The following MORN5 variants were observed in gnomAD, a reference collection of about 807,000 sequenced individuals.
MORN5 encodes MORN repeat containing 5.
MORN5 carries 21 observed loss-of-function variants against 22.1 expected under a neutral mutation model. The ratio of observed to expected loss-of-function variants is 0.95; its 90% CI spans 0.67 to 1.37. The LOEUF (loss-of-function observed/expected upper bound fraction) is 1.37. MORN5 is among the 40% of genes most tolerant of loss of function. The pLI, the probability that MORN5 is intolerant of heterozygous loss-of-function variation, is 0.00. For missense variants in MORN5, 211 were observed against 215.1 expected (o/e 0.98, Z 0.12); for synonymous variants, 73 against 74.0 (o/e 0.99, Z 0.07).
intron 4 of MORN5, among the ~76,000 whole-genome samples, chr9:122,181,239 C>A (rs1446222374): frequency 6.6e-6 from 1 of 152,214 alleles, no homozygotes; most frequent in Non-Finnish European, 1.5e-5. Context: ...CTGCCCAGAT[C>A]CCTCCCACTC....
Position 122,173,480 on chromosome 9 carries a change from G to A in MORN5, c.308-1016G>A, listed in dbSNP as rs183175017. Among the ~76,000 whole-genome samples the A allele has an allele frequency of 3.0e-3, 456 of 152,290 alleles. 3 individuals are homozygous for A. The highest frequency in any genetic ancestry group is 0.011 in the African/African-American group (441 of 41,548). ...CAGTGTCAGGGTTACGGTTAGGTAT[G>A]TCATTAAGCAACACAAGAGTACCTA... On this transcript the variant is annotated intron_variant, in intron 3 of 4. Coordinates refer to ENST00000373764, the MANE Select transcript of MORN5 (RefSeq NM_198469.4).
intron 4 of MORN5, among the ~76,000 whole-genome samples, chr9:122,191,004 G>A (rs1012518880): frequency 3.3e-5 from 5 of 152,216 alleles, no homozygotes; most frequent in African/African-American, 7.2e-5. Flanking sequence ...TCTGAGGATG[G>A]GCCTAGACCC....
rs1328681508 is a variant in MORN5, at chr9:122,192,091, G to A, written c.440-7794G>A. On this transcript the variant is annotated intron_variant, in intron 4 of 4. Transcript: ENST00000373764. ...GAAACCTGCTACAAAGACGAGGAGG[G>A]TGGCTCAGAGATGGGAGTGACGTGT... Among the ~76,000 whole-genome samples the A allele has an allele frequency of 2.0e-5, 3 of 152,234 alleles. No individual in the cohort carries two copies. The South Asian group carries it at 6.2e-4, about 32-fold the overall frequency.
At chr9:122,166,499 AG>A (rs1375159293) in intron 1 of MORN5, among the ~76,000 whole-genome samples, 1 of 151,972 alleles carries the variant, frequency 6.6e-6, no homozygotes. Flanking sequence ...TGGGCCTACT[AG>A]GGGGGTTTAT....
chr9:122,174,307 C>A (rs910484579), intron 3 of MORN5, among the ~76,000 whole-genome samples, 189 bp from the exon 4 acceptor site: 1 of 152,282 alleles, frequency 6.6e-6, no homozygotes, highest in East Asian at 1.9e-4. Flanking sequence ...TTCCCAAGAG[C>A]CATGTTCAGA....
rs761052131 is a variant in MORN5, at chr9:122,169,765, G to C, written c.307+9G>C. ...TGGCTTGAAGCCTGCAGGTACCCAG[G>C]CACCCACCCTTTCCTTCATACCCAA... On this transcript the variant is annotated intron_variant, in intron 3 of 4. Transcript: ENST00000373764. 1 of 1,569,926 alleles carries C rather than the reference G, an allele frequency of 6.4e-7. No individual in the cohort carries two copies. The highest frequency in any genetic ancestry group is 8.8e-7 in the Non-Finnish European group (1 of 1,139,542).
chr9:122,190,358 G>A (rs954750843), intron 4 of MORN5, among the ~76,000 whole-genome samples: 3 of 150,680 alleles, frequency 2.0e-5, no homozygotes, highest in African/African-American at 7.3e-5. Flanking sequence ...GCTTTACTAC[G>A]AGTCTTTAAC....
At chr9:122,188,114 AG>A (rs1244888744) in intron 4 of MORN5, among the ~76,000 whole-genome samples, 1 of 152,224 alleles carries the variant, frequency 6.6e-6, no homozygotes, top group Non-Finnish European at 1.5e-5. Context: ...TTCAAGGCAG[AG>A]GGACCCAGTG....
At chr9:122,184,343 C>T (rs1409512643) in intron 4 of MORN5, among the ~76,000 whole-genome samples, 2 of 152,204 alleles carry the variant, frequency 1.3e-5, no homozygotes, top group Non-Finnish European at 2.9e-5. Flanking sequence ...CTGCTCCCCA[C>T]CCAGCTTTAG....
At chr9:122,175,802 G>T (rs932473283) in intron 4 of MORN5, 4 of 701,560 alleles carry the variant, frequency 5.7e-6, no homozygotes, top group Admixed American at 6.3e-5. Flanking sequence ...CCAGAAAGGT[G>T]CCTCATGGGG....
chr9:122,200,050 A>C lies in MORN5; in HGVS notation c.*119A>C. 1.1e-6 allele frequency: 1 copy of C among 944,720 alleles called. No individual in the cohort carries two copies. The highest frequency in any genetic ancestry group is 1.7e-6 in the Non-Finnish European group (1 of 592,848). The allele number at this position is 944,720 out of a possible 1,614,324, so 58.5% of individuals were successfully genotyped here. On this transcript the variant is annotated 3_prime_UTR_variant, in exon 5 of 5. Coordinates refer to ENST00000373764, the MANE Select transcript of MORN5 (RefSeq NM_198469.4). ...GGACGGGCTGTAGTTCTAGAACCTG[A>C]TTTTAACTCAGGAATAAAGACTTTC...
chr9:122,171,376 T>G (rs1829363929), intron 3 of MORN5, among the ~76,000 whole-genome samples: 2 of 152,180 alleles, frequency 1.3e-5, no homozygotes. Flanking sequence ...CTCTGCTATT[T>G]TCCTCCTATC....
At chr9:122,167,929 C>T (rs372867939) in intron 2 of MORN5, among the ~76,000 whole-genome samples, 17 of 152,310 alleles carry the variant, frequency 1.1e-4, no homozygotes, top group Middle Eastern at 3.4e-3. Context: ...TTCATCATCA[C>T]GTCACCCTTC....
chr9:122,187,513 C>G (rs536351707), intron 4 of MORN5, among the ~76,000 whole-genome samples: 1 of 152,172 alleles, frequency 6.6e-6, no homozygotes, highest in East Asian at 1.9e-4. Flanking sequence ...CAGGGCCTGG[C>G]CCCCACCAAA....
At chr9:122,179,536 G>A (rs1829503431) in intron 4 of MORN5, among the ~76,000 whole-genome samples, 1 of 152,116 alleles carries the variant, frequency 6.6e-6, no homozygotes, top group Non-Finnish European at 1.5e-5. Context: ...ATGACCCTGG[G>A]CCAATGCCTT....
intron 4 of MORN5, among the ~76,000 whole-genome samples, chr9:122,198,852 T>A (rs908976666): frequency 3.3e-5 from 5 of 152,070 alleles, no homozygotes; most frequent in Non-Finnish European, 7.4e-5. Flanking sequence ...CAAGAATAGA[T>A]CTTGAGTGAA....
intron 4 of MORN5, among the ~76,000 whole-genome samples, chr9:122,188,436 A>G (rs1313736863): frequency 6.6e-6 from 1 of 152,240 alleles, no homozygotes; most frequent in Non-Finnish European, 1.5e-5. Context: ...ATTCCTGCCT[A>G]ACACCCCTGC....
At chr9:122,186,674 T>C (rs1829643998) in intron 4 of MORN5, among the ~76,000 whole-genome samples, 1 of 152,076 alleles carries the variant, frequency 6.6e-6, no homozygotes, top group East Asian at 1.9e-4. Flanking sequence ...CTGGTAACAA[T>C]TCCTCCCCTG....
chr9:122,173,762 G>A (rs1449273966), intron 3 of MORN5, among the ~76,000 whole-genome samples: 1 of 152,162 alleles, frequency 6.6e-6, no homozygotes, highest in Non-Finnish European at 1.5e-5. Flanking sequence ...CACCTAGGCT[G>A]TCTCCTCCCC....
Sources: allele counts gnomAD v4.1 joint callset (sites outside exome capture counted in the v4.1 genomes callset), GRCh38; gene constraint gnomAD v4.1.1; transcripts MANE v1.5; gene names NCBI Gene and HGNC (gene_info 2026-07-23, HGNC 2026-07-21).